HAVCR2: variants seen among roughly 807,000 people sequenced by gnomAD.
HAVCR2 encodes hepatitis A virus cellular receptor 2.
A neutral mutation model predicts 24.7 loss-of-function variants in HAVCR2; 13 were observed. The observed-to-expected ratio is 0.53, with a 90% CI of 0.34 to 0.84. HAVCR2 has a LOEUF of 0.84. HAVCR2 is among the 40% of genes least tolerant of loss of function. The pLI, the probability that HAVCR2 is intolerant of heterozygous loss-of-function variation, is 0.01. For synonymous variants in HAVCR2, 154 were observed against 143.4 expected (o/e 1.07, Z -0.53); for missense variants, 343 against 371.2 (o/e 0.92, Z 0.62).
chr5:157,107,345 A>C, intron 1 of HAVCR2: 1 of 172,048 alleles, frequency 5.8e-6, no homozygotes, highest in African/African-American at 2.4e-5. Context: ...GCTGATGGAA[A>C]CAGACAATCA....
intron 4 of HAVCR2, among the ~76,000 whole-genome samples, chr5:157,095,910 G>A (rs937761492): frequency 6.6e-6 from 1 of 152,064 alleles, no homozygotes; most frequent in African/African-American, 2.4e-5. Flanking sequence ...AGACTTTACA[G>A]CCAGACGGTC....
rs899380109 is a variant in HAVCR2 at position 157,086,036 on chromosome 5, C to G, written c.*1066G>C. On this transcript the variant is annotated 3_prime_UTR_variant, in exon 7 of 7. Transcript: ENST00000307851. ...TTCCACCAGGCAACAGAATTTGTGT[C>G]CCCGTCACTGCTTCTTCTTCTGTGA... 6.6e-6 allele frequency: 1 copy of G among 152,180 alleles called. No homozygotes were observed. Among genetic ancestry groups the G allele is most frequent in the Non-Finnish European group, 1.5e-5 (1 of 68,042 alleles). 9.4% of individuals were successfully genotyped at this position (152,180 alleles called of 1,614,324 possible).
rs770287679 is a variant in HAVCR2 at position 157,095,544 on chromosome 5, C to A, written c.523-85G>T. 5 of 1,464,368 alleles carry A rather than the reference C, an allele frequency of 3.4e-6. No homozygotes were observed. The Admixed American group carries it at 7.0e-5, about 20-fold the overall frequency. The allele number at this position is 1,464,368 out of a possible 1,614,324, so 90.7% of individuals were successfully genotyped here. On this transcript the variant is annotated intron_variant, in intron 4 of 6. Coordinates refer to ENST00000307851, the MANE Select transcript of HAVCR2 (RefSeq NM_032782.5). ...CTTCAAGATTTGTGAATTGGACCAT[C>A]CCTTTTACAACATCACAGGATGGCT...
At chr5:157,100,654 T>C (rs1757154353) in intron 3 of HAVCR2, among the ~76,000 whole-genome samples, 1 of 152,234 alleles carries the variant, frequency 6.6e-6, no homozygotes, top group African/African-American at 2.4e-5. Context: ...TCTGGAAGCC[T>C]TAATGTGTAT....
intron 3 of HAVCR2, among the ~76,000 whole-genome samples, chr5:157,102,854 G>C (rs763181430): frequency 6.7e-6 from 1 of 148,582 alleles, no homozygotes; most frequent in Non-Finnish European, 1.5e-5. Context: ...AGAATGGCAT[G>C]AACCTGGGAG....
chr5:157,085,951 C>A lies in HAVCR2; in HGVS notation c.*1151G>T, dbSNP rs1347853664. 6.6e-6 allele frequency: 1 copy of A among 152,124 alleles called. No homozygotes were observed. The highest frequency in any genetic ancestry group is 1.5e-5 in the Non-Finnish European group (1 of 68,034). 9.4% of individuals were successfully genotyped at this position (152,124 alleles called of 1,614,324 possible). A position where few individuals can be genotyped will look rare whatever the true frequency, so the allele number is the denominator to read the frequency against. Reference sequence around the variant, plus strand: ...CCGTCTTGAAATTTAAGTTTAGGGACCACTCTCTGTCAAAGGATCCAGCGC... The same window carrying A: ...CCGTCTTGAAATTTAAGTTTAGGGAACACTCTCTGTCAAAGGATCCAGCGC... On this transcript the variant is annotated 3_prime_UTR_variant, in exon 7 of 7. Transcript: ENST00000307851.
rs754458623 is a variant in HAVCR2 at position 157,106,555 on chromosome 5, A to T, written c.394+72T>A. ...TATAATTAGGGAAGTCAGAGATGAG[A>T]ACAATCAGTACCTTTAATATGATCC... On this transcript the variant is annotated intron_variant, in intron 2 of 6. Transcript: ENST00000307851. 2.3e-6 allele frequency: 3 copies of T among 1,330,588 alleles called. 1 individual carries two copies. The South Asian group carries it at 3.9e-5, about 17-fold the overall frequency. The allele number at this position is 1,330,588 out of a possible 1,614,324, so 82.4% of individuals were successfully genotyped here. A position where few individuals can be genotyped will look rare whatever the true frequency, so the allele number is the denominator to read the frequency against.
chr5:157,095,697 A>C (rs1397419386), intron 4 of HAVCR2, among the ~76,000 whole-genome samples: 2 of 124,662 alleles, frequency 1.6e-5, no homozygotes, highest in African/African-American at 6.1e-5. Context: ...GTGGGTAGAG[A>C]AGGAGCTCTT....
At chr5:157,092,085 T>C (rs1384684640) in intron 5 of HAVCR2, among the ~76,000 whole-genome samples, 2 of 151,782 alleles carry the variant, frequency 1.3e-5, no homozygotes, top group Non-Finnish European at 1.5e-5. Flanking sequence ...CTAGATCCCA[T>C]CACTCTTTAT....
At chr5:157,108,605 ACATT>A (rs1382141253) in intron 1 of HAVCR2, among the ~76,000 whole-genome samples, 2 of 152,216 alleles carry the variant, frequency 1.3e-5, no homozygotes, top group Non-Finnish European at 2.9e-5. Flanking sequence ...TAGAGCTTAT[ACATT>A]AAGAAATGTC....
At chr5:157,096,927 A>AAC (rs34799337) in intron 4 of HAVCR2, among the ~76,000 whole-genome samples, 9,379 of 142,888 alleles carry the variant, frequency 0.066, 341 homozygotes, top group Non-Finnish European at 0.087. Flanking sequence ...ATTTATACAA[A>AAC]ACACACACAC....
In HAVCR2 at chr5:157,106,781, G is replaced by A. The variant is rs1757258312; in HGVS notation, c.240C>T (p.Ser80=). 2 of 1,614,060 alleles carry A rather than the reference G, an allele frequency of 1.2e-6. No individual in the cohort carries two copies. The highest frequency in any genetic ancestry group is 2.7e-5 in the African/African-American group (2 of 74,922). ...GGAAATCCCCATTTAGCCAGTATCT[G>A]GATGTCCAATAATTCACATCCCTTT... ...TDERDVNYWT[S]RYWLNGDFRK... Residue 80 remains serine (S), a synonymous_variant, in exon 2 of 7, where the codon TCC becomes TCT. Coordinates refer to ENST00000307851, the MANE Select transcript of HAVCR2 (RefSeq NM_032782.5).
At chr5:157,102,966 G>A (rs1318412812) in intron 3 of HAVCR2, among the ~76,000 whole-genome samples, 11 of 149,274 alleles carry the variant, frequency 7.4e-5, no homozygotes, top group African/African-American at 2.7e-4. Context: ...AAAAACTAAA[G>A]GAAAGAAGAC....
At chr5:157,092,433 T>TATTTA (rs1757017588) in intron 5 of HAVCR2, among the ~76,000 whole-genome samples, 1 of 151,760 alleles carries the variant, frequency 6.6e-6, no homozygotes, top group Non-Finnish European at 1.5e-5. Flanking sequence ...CTCATTTCTA[T>TATTTA]TTTTATTTTA....
intron 5 of HAVCR2, among the ~76,000 whole-genome samples, chr5:157,094,089 G>T (rs1251610784): frequency 6.7e-6 from 1 of 150,318 alleles, no homozygotes; most frequent in Non-Finnish European, 1.5e-5. Context: ...GCCCAGGGTG[G>T]AGTGCAATGA....
intron 5 of HAVCR2, among the ~76,000 whole-genome samples, chr5:157,091,463 A>T (rs1221295802): frequency 6.6e-6 from 1 of 151,632 alleles, no homozygotes; most frequent in African/African-American, 2.4e-5. Context: ...AAAAAAAAAG[A>T]TAAAGGTATC....
chr5:157,096,459 T>C (rs1176407603), intron 4 of HAVCR2, among the ~76,000 whole-genome samples: 3 of 152,126 alleles, frequency 2.0e-5, no homozygotes, highest in Non-Finnish European at 4.4e-5. Context: ...TTTCAGTCTA[T>C]GGGTTCTCTC....
chr5:157,088,811 G>C, intron 6 of HAVCR2, 130 bp downstream of exon 6: 3 of 778,734 alleles, frequency 3.9e-6, no homozygotes, highest in Non-Finnish European at 6.5e-6. Context: ...ACTAGACCTA[G>C]AGAAAGAAGG....
At chr5:157,094,147 C>T (rs1757057756) in intron 5 of HAVCR2, among the ~76,000 whole-genome samples, 1 of 151,326 alleles carries the variant, frequency 6.6e-6, no homozygotes, top group East Asian at 1.9e-4. Flanking sequence ...GATCCTCCCA[C>T]CTCAGCCTCC....
Sources: allele counts gnomAD v4.1 joint callset (sites outside exome capture counted in the v4.1 genomes callset), GRCh38; gene constraint gnomAD v4.1.1; transcripts MANE v1.5; gene names NCBI Gene and HGNC (gene_info 2026-07-23, HGNC 2026-07-21).